PHKA2: variants seen among roughly 807,000 people sequenced by gnomAD.
PHKA2 encodes phosphorylase kinase regulatory subunit alpha 2.
PHKA2 carries 31 observed loss-of-function variants against 102.0 expected under a neutral mutation model. That is an observed-to-expected ratio of 0.30 (90% CI 0.23 to 0.41). The LOEUF is 0.41. Ranked by LOEUF, PHKA2 falls within the 10% of genes least tolerant of loss-of-function variation. The pLI is 1.00. For synonymous variants in PHKA2, 455 were observed against 416.2 expected (o/e 1.09, Z -1.13); for missense variants, 858 against 1,023.1 (o/e 0.84, Z 2.20).
chrX:18,943,551 G>A (rs1437748754), intron 7 of PHKA2, among the ~76,000 whole-genome samples, 159 bp downstream of exon 7: 1 of 112,265 alleles, frequency 8.9e-6, no homozygotes, highest in South Asian at 3.7e-4. Context: ...TAGCTTGTGA[G>A]GCCAGAGGGT....
At chrX:18,930,248 G>A (rs1282469227) in intron 12 of PHKA2, among the ~76,000 whole-genome samples, 2 of 111,431 alleles carry the variant, frequency 1.8e-5, no homozygotes, top group Non-Finnish European at 3.8e-5. Context: ...TGGCCCCCAC[G>A]CTACCACCAT....
At chrX:18,940,503 C>G (rs1396417150) in intron 8 of PHKA2, among the ~76,000 whole-genome samples, 1 of 112,010 alleles carries the variant, frequency 8.9e-6, no homozygotes, top group Non-Finnish European at 1.9e-5. Context: ...TGCACCTCCA[C>G]AAAGATTAGC....
chrX:18,939,701 G>A (rs756307441), intron 9 of PHKA2, among the ~76,000 whole-genome samples: 10 of 111,485 alleles, frequency 9.0e-5, no homozygotes, highest in African/African-American at 3.3e-4. Flanking sequence ...CACTGTGTTA[G>A]CCGGGATGGT....
intron 19 of PHKA2, among the ~76,000 whole-genome samples, chrX:18,911,509 A>T (rs754120641): frequency 6.3e-5 from 7 of 111,279 alleles, no homozygotes; most frequent in Non-Finnish European, 5.7e-5. Context: ...GGGTTTTGCC[A>T]TGTTGGTCAG....
chrX:18,895,173 C>G lies in PHKA2; in HGVS notation c.3301G>C (p.Asp1101His), dbSNP rs763351065. ...GTCGAGGATGGGAGGACATAACCATCGATGGAGAGACCGTGGCACTGGAGG... is the reference window on the plus strand; with the variant it reads ...GTCGAGGATGGGAGGACATAACCATGGATGGAGAGACCGTGGCACTGGAGG... ...ILQKCHGLSIDGYVLPSSTTR... is the reference protein window; with the variant it reads ...ILQKCHGLSIHGYVLPSSTTR... Residue 1101 changes from aspartate (D) to histidine (H), a missense_variant, in exon 31 of 33, where the codon GAT (aspartate) becomes CAT (histidine). Physicochemically the swap from Asp to His is moderately conservative, Grantham distance 81. Around this residue, in one of 2 missense-constraint regions of PHKA2, gnomAD observed 671 missense variants for 745.2 expected, o/e 0.90. Transcript: ENST00000379942. The G allele has an allele frequency of 8.3e-7, 1 of 1,209,355 alleles. No individual in the cohort carries two copies. The highest frequency in any genetic ancestry group is 1.1e-6 in the Non-Finnish European group (1 of 894,619).
intron 19 of PHKA2, 85 bp downstream of exon 19, chrX:18,918,596 G>A (rs1203117739): frequency 9.4e-6 from 9 of 954,985 alleles, no homozygotes; most frequent in Admixed American, 2.2e-5. Context: ...TTGTCTTCTA[G>A]GATTCTTTGG....
chrX:18,914,704 C>T (rs1247829716), intron 19 of PHKA2, among the ~76,000 whole-genome samples: 1 of 112,250 alleles, frequency 8.9e-6, no homozygotes, highest in Non-Finnish European at 1.9e-5. Context: ...CTGATTAGCA[C>T]ATCTGAAGGC....
chrX:18,925,747 C>T lies in PHKA2; in HGVS notation c.1490G>A (p.Arg497Gln), dbSNP rs2048199652. Residue 497 changes from arginine to glutamine, a missense_variant, in exon 15 of 33, where the codon CGA (arginine) becomes CAA (glutamine). Arg to Gln is a conservative substitution (Grantham distance 43). Transcript: ENST00000379942. ...AAGGACACCAATATGTCGATACGGT[C>T]GCCCACTCAAATTCATATTCTTATT... ...GRNKNMNLSG[R>Q]PYRHIGVLGT... The T allele has an allele frequency of 3.4e-6, 4 of 1,191,468 alleles. No individual in the cohort carries two copies. The highest frequency in any genetic ancestry group is 3.0e-5 in the East Asian group (1 of 33,753).
Position 18,894,489 on chromosome X carries a change from T to G in PHKA2, c.3337-85A>C, listed in dbSNP as rs1403258973. On this transcript the variant is annotated intron_variant, in intron 31 of 32. Transcript: ENST00000379942. ...ATCACCGAGTAACCAAGGGTGACCG[T>G]AGCAGTGCCTGGGCTCGGGGCTCAG... The G allele has an allele frequency of 1.9e-5, 16 of 841,006 alleles. No individual in the cohort carries two copies. In the Middle Eastern group the frequency reaches 8.5e-4, roughly 45 times the overall value. The allele number at this position is 841,006 out of a possible 1,213,427, so 69.3% of individuals were successfully genotyped here.
chrX:18,899,723 T>TA (rs11427039), intron 28 of PHKA2, among the ~76,000 whole-genome samples: 12,109 of 111,828 alleles, frequency 0.11, 1,424 homozygotes, highest in African/African-American at 0.35. Flanking sequence ...TTTCCTCGTC[T>TA]AAAATCTAGA....
At chrX:18,958,713 T>TGTGTGTGC (rs2048821565) in intron 1 of PHKA2, among the ~76,000 whole-genome samples, 1 of 110,191 alleles carries the variant, frequency 9.1e-6, no homozygotes, top group Non-Finnish European at 1.9e-5. Context: ...TTTGTGTGTG[T>TGTGTGTGC]GTGTGTGCGT....
chrX:18,943,775 A>C lies in PHKA2; in HGVS notation c.652T>G (p.Phe218Val). 6 of 1,210,517 alleles carry C rather than the reference A, an allele frequency of 5.0e-6. No individual in the cohort carries two copies. The highest frequency in any genetic ancestry group is 6.7e-6 in the Non-Finnish European group (6 of 894,363). Residue 218 changes from phenylalanine (F) to valine (V), a missense_variant, in exon 7 of 33, where the codon TTT becomes GTT. Transcript: ENST00000379942. ...ALEAIDELDL[F>V]GAHGGRKSVI... is the part of the protein sequence containing the mutation. The stretch of plus-strand genomic sequence containing the variant: ...GACTTGCGTCCTCCATGGGCTCCAA[A>C]AAGGTCCAGTTCATCAATTGCCTCA...
chrX:18,902,880 C>T (rs1232738340), intron 26 of PHKA2: 1 of 112,250 alleles, frequency 8.9e-6, no homozygotes, highest in Admixed American at 9.4e-5. Flanking sequence ...GAGTTCAAGA[C>T]CAGCCTGGGC....
At chrX:18,974,071 CCTCT>C (rs2049052463) in intron 1 of PHKA2, among the ~76,000 whole-genome samples, 1 of 110,656 alleles carries the variant, frequency 9.0e-6, no homozygotes, top group Non-Finnish European at 1.9e-5. Flanking sequence ...TGGATGTGCT[CCTCT>C]CTAAGGTCAC....
chrX:18,899,954 A>G (rs16980915), intron 28 of PHKA2, among the ~76,000 whole-genome samples: 8,205 of 111,857 alleles, frequency 0.073, 630 homozygotes, highest in African/African-American at 0.23. Flanking sequence ...AGCATGAAAT[A>G]GAGGCGGAAG....
Position 18,894,225 on chromosome X carries a change from A to C in PHKA2, c.3516T>G (p.Ser1172Arg). Residue 1172 changes from serine to arginine, a missense_variant, in exon 32 of 33, where the codon AGT becomes AGG. By Grantham distance (110) the Ser-to-Arg change is moderately radical. Transcript: ENST00000379942. ...IHVDQIVQMA[S>R]QLFLQDQVSI... ...CCACCTGGTCCTGCAAGAACAGCTG[A>C]CTGGCCATCTGCACGATCTGGTCCA... 2 of 1,211,670 alleles carry C rather than the reference A, an allele frequency of 1.7e-6. No homozygotes were observed. Among genetic ancestry groups the C allele is most frequent in the East Asian group, 3.0e-5 (1 of 33,844 alleles).
Position 18,899,186 on chromosome X carries a change from G to A in PHKA2, c.3098C>T (p.Ser1033Phe). The change falls in exon 29 of 33, where the codon TCC (serine) becomes TTC (phenylalanine). Residue 1033 changes from serine to phenylalanine, a missense_variant. Ser to Phe is a radical substitution (Grantham distance 155). Around this residue, in one of 2 missense-constraint regions of PHKA2, gnomAD observed 671 missense variants for 745.2 expected, o/e 0.90. Transcript: ENST00000379942. ...AGGCACTGTTACCGCAGACTTGGAG[G>A]AATGCGCACTGCTGGACGCGGCCTG... Reference protein sequence around the residue: ...VGQAASSSAHSSKSARSSTPS... With the variant: ...VGQAASSSAHFSKSARSSTPS... 1 of 1,209,284 alleles carries A rather than the reference G, an allele frequency of 8.3e-7. No homozygotes were observed. Among genetic ancestry groups the A allele is most frequent in the African/African-American group, 1.7e-5 (1 of 57,823 alleles).
chrX:18,895,101 C>T lies in PHKA2; in HGVS notation c.3336+37G>A, dbSNP rs191563795. ...TGCAATGAAGCCCTTATTGTGAACCCACAGAGGGGCCCGCCTCTGCGTTTT... is the reference window on the plus strand; with the variant it reads ...TGCAATGAAGCCCTTATTGTGAACCTACAGAGGGGCCCGCCTCTGCGTTTT... On this transcript the variant is annotated intron_variant, in intron 31 of 32. Transcript: ENST00000379942. 2.7e-4 allele frequency: 319 copies of T among 1,185,594 alleles called. 3 individuals are homozygous for T. The African/African-American group carries it at 5.2e-3, about 19-fold the overall frequency.
chrX:18,926,904 G>T (rs2048219584), intron 13 of PHKA2, among the ~76,000 whole-genome samples: 1 of 111,416 alleles, frequency 9.0e-6, no homozygotes, highest in African/African-American at 3.3e-5. Flanking sequence ...CCTCCCTCTG[G>T]GTCTGCATCT....
Sources: allele counts gnomAD v4.1 joint callset (sites outside exome capture counted in the v4.1 genomes callset), GRCh38; gene constraint gnomAD v4.1.1; regional missense constraint gnomAD v4.1.1; transcripts MANE v1.5; gene names NCBI Gene and HGNC (gene_info 2026-07-23, HGNC 2026-07-21).